Variants in CA9 observed in about 807,000 individuals in gnomAD.
The protein encoded by CA9 is carbonic anhydrase 9.
In CA9, 43 loss-of-function variants were observed where a neutral mutation model predicts 51.8. The ratio of observed to expected loss-of-function variants is 0.83; its 90% CI spans 0.65 to 1.07. The LOEUF (loss-of-function observed/expected upper bound fraction) is 1.07, where lower values mean the gene tolerates loss of function less well. CA9 is among the 50% of genes least tolerant of loss of function. CA9 has a pLI of 0.00. For synonymous variants in CA9, 253 were observed against 244.2 expected (o/e 1.04, Z -0.34); for missense variants, 574 against 581.4 (o/e 0.99, Z 0.13).
At chr9:35,675,409 C>G (rs1345895182) in intron 1 of CA9, 129 bp from the exon 2 acceptor site, 5 of 1,034,940 alleles carry the variant, frequency 4.8e-6, no homozygotes, top group Non-Finnish European at 7.5e-6. Flanking sequence ...GTGCTTTGCA[C>G]CTGGCCCGCT....
chr9:35,676,186 G>A lies in CA9; in HGVS notation c.727G>A (p.Gly243Ser). Reference protein sequence around the residue: ...GRPGSEHTVEGHRFPAEIHVV... With the variant: ...GRPGSEHTVESHRFPAEIHVV... The stretch of plus-strand genomic sequence containing the variant: ...TCCGGGCTCGGAGCACACTGTGGAA[G>A]GCCACCGTTTCCCTGCCGAGGTGAG... The change falls in exon 4 of 11, where the codon GGC (glycine) becomes AGC (serine). Residue 243 changes from glycine to serine, a missense_variant. Physicochemically the swap from Gly to Ser is moderately conservative, Grantham distance 56 (BLOSUM62 0). Transcript: ENST00000378357. The A allele has an allele frequency of 1.2e-6, 2 of 1,612,138 alleles. No individual in the cohort carries two copies. The highest frequency in any genetic ancestry group is 1.7e-6 in the Non-Finnish European group (2 of 1,179,042).
chr9:35,678,254 G>C (rs1365587518), intron 6 of CA9, among the ~76,000 whole-genome samples: 1 of 151,150 alleles, frequency 6.6e-6, no homozygotes, highest in East Asian at 1.9e-4. Flanking sequence ...GCTGAGGCAG[G>C]AGAATGGCAT....
chr9:35,678,731 A>G (rs1271881374), intron 6 of CA9, among the ~76,000 whole-genome samples: 4 of 142,292 alleles, frequency 2.8e-5, no homozygotes, highest in Non-Finnish European at 6.0e-5. Context: ...TTTAGTAGAG[A>G]CAGGGTTTCA....
At position 35,679,905 on chromosome 9, in the gene CA9, C is replaced by G; in HGVS notation, c.1117C>G (p.Leu373Val). 2 of 1,613,664 alleles carry G rather than the reference C, an allele frequency of 1.2e-6. No homozygotes were observed. The highest frequency in any genetic ancestry group is 1.1e-5 in the South Asian group (1 of 91,072). ...GGGACCTGGTGACTCTCGGCTACAG[C>G]TGAACTTCCGAGCGACGCAGCCTTT... Reference protein sequence around the residue: ...LWGPGDSRLQLNFRATQPLNG... With the variant: ...LWGPGDSRLQVNFRATQPLNG... Residue 373 changes from leucine to valine, a missense_variant, in exon 8 of 11, where the codon CTG (leucine) becomes GTG (valine). Physicochemically the swap from Leu to Val is conservative, Grantham distance 32. Transcript: ENST00000378357.
At chr9:35,679,387 G>A (rs1824486023) in intron 7 of CA9, 45 bp downstream of exon 7, 1 of 1,579,016 alleles carries the variant, frequency 6.3e-7, no homozygotes. Context: ...GGGGGAAAGA[G>A]GATGTAAGAT....
intron 1 of CA9, chr9:35,675,323 A>G: frequency 1.6e-6 from 1 of 617,022 alleles, no homozygotes; most frequent in Non-Finnish European, 2.9e-6. Flanking sequence ...TACAGACCCT[A>G]AGACAATGAT....
chr9:35,674,441 C>A, intron 1 of CA9, 79 bp downstream of exon 1: 1 of 1,390,764 alleles, frequency 7.2e-7, no homozygotes, highest in Non-Finnish European at 9.8e-7. Flanking sequence ...AGGCTCTGTT[C>A]ACTCAGGGAA....
intron 10 of CA9, 63 bp from the exon 11 acceptor site, chr9:35,680,902 G>A (rs1824536810): frequency 2.5e-5 from 40 of 1,607,732 alleles, no homozygotes; most frequent in South Asian, 6.6e-5. Flanking sequence ...CATGCAAAGC[G>A]CATGCAAATG....
Position 35,679,926 on chromosome 9 carries a change from C to G in CA9, c.1138C>G (p.Pro380Ala), listed in dbSNP as rs1824499915. 2.5e-6 allele frequency: 4 copies of G among 1,614,012 alleles called. No homozygotes were observed. The highest frequency in any genetic ancestry group is 1.7e-5 in the Admixed American group (1 of 59,982). The part of the protein sequence containing the change: ...RLQLNFRATQ[P>A]LNGRVIEASF... ...ACAGCTGAACTTCCGAGCGACGCAG[C>G]CTTTGAATGGGCGAGTGATTGAGGC... is the stretch of plus-strand genomic sequence containing the variant. Residue 380 changes from proline to alanine, a missense_variant, in exon 8 of 11, where the codon CCT becomes GCT. Pro to Ala is a conservative substitution (Grantham distance 27). Coordinates refer to ENST00000378357, the MANE Select transcript of CA9 (RefSeq NM_001216.3).
chr9:35,674,521 C>T (rs967470644), intron 1 of CA9, 159 bp downstream of exon 1: 8 of 632,458 alleles, frequency 1.3e-5, no homozygotes, highest in Admixed American at 3.1e-5. Flanking sequence ...TCCCCACTCT[C>T]GGAGGTAGAA....
In CA9 at chr9:35,679,362, G is replaced by A; in HGVS notation, c.1065+20G>A. 6 of 1,601,642 alleles carry A rather than the reference G, an allele frequency of 3.7e-6. No individual in the cohort carries two copies. The highest frequency in any genetic ancestry group is 5.1e-6 in the Non-Finnish European group (6 of 1,174,046). On this transcript the variant is annotated intron_variant, in intron 7 of 10. Transcript: ENST00000378357. Reference sequence around the variant, plus strand: ...AAGCAGGTGGGCCTGGGGTGTGTGTGGACACAGTGGGTGCGGGGGAAAGAG... The same window carrying A: ...AAGCAGGTGGGCCTGGGGTGTGTGTAGACACAGTGGGTGCGGGGGAAAGAG...
chr9:35,680,742 CT>C lies in CA9; in HGVS notation c.1238-10del. On this transcript the variant is annotated splice_polypyrimidine_tract_variant and intron_variant, in intron 9 of 10. Transcript: ENST00000378357. ...CCTTCCCAAAGCAGCCCTCTCTGCT[CT>C]CCATCGCAGGTGACATCCTAGCCCT... The C allele has an allele frequency of 1.2e-6, 2 of 1,613,378 alleles. No individual in the cohort carries two copies. Among genetic ancestry groups the C allele is most frequent in the Non-Finnish European group, 1.7e-6 (2 of 1,179,348 alleles).
chr9:35,675,690 C>T (rs527555798), intron 2 of CA9, 71 bp from the exon 3 acceptor site: 3 of 1,478,572 alleles, frequency 2.0e-6, no homozygotes, highest in Non-Finnish European at 2.8e-6. Context: ...CACCCCCTCA[C>T]CTTTTCTACC....
At position 35,679,844 on chromosome 9, in the gene CA9, A is replaced by G; in HGVS notation, c.1066-10A>G. On this transcript the variant is annotated splice_polypyrimidine_tract_variant and intron_variant, in intron 7 of 10. Coordinates refer to ENST00000378357, the MANE Select transcript of CA9 (RefSeq NM_001216.3). ...ATGAACCCACCCACACTGTCCACTG[A>G]CCTCCCTAGCTCCACACCCTCTCTG... is the stretch of plus-strand genomic sequence containing the variant. 1 of 1,589,696 alleles carries G rather than the reference A, an allele frequency of 6.3e-7. No individual in the cohort carries two copies. Among genetic ancestry groups the G allele is most frequent in the Non-Finnish European group, 8.6e-7 (1 of 1,168,922 alleles).
chr9:35,678,720 C>G (rs1004316137), intron 6 of CA9, among the ~76,000 whole-genome samples: 1 of 95,442 alleles, frequency 1.0e-5, no homozygotes, highest in African/African-American at 4.2e-5. Flanking sequence ...TTTTTTACAT[C>G]TTTAGTAGAG....
intron 6 of CA9, among the ~76,000 whole-genome samples, chr9:35,678,510 A>T (rs1364745002): frequency 6.6e-6 from 1 of 152,030 alleles, no homozygotes; most frequent in Non-Finnish European, 1.5e-5. Flanking sequence ...CTTTGTAAAT[A>T]CTTTTGTTGG....
At position 35,674,083 on chromosome 9, in the gene CA9, C is replaced by G. The variant is rs769385538; in HGVS notation, c.124C>G (p.Arg42Gly). The G allele has an allele frequency of 1.2e-5, 19 of 1,614,080 alleles. No homozygotes were observed. Among genetic ancestry groups the G allele is most frequent in the Admixed American group, 6.7e-5 (4 of 60,010 alleles). Residue 42 changes from arginine (R) to glycine (G), a missense_variant, in exon 1 of 11, where the codon CGG becomes GGG. Coordinates refer to ENST00000378357, the MANE Select transcript of CA9 (RefSeq NM_001216.3). ...GCCTGTCCATCCCCAGAGGTTGCCC[C>G]GGATGCAGGAGGATTCCCCCTTGGG... ...LVPVHPQRLP[R>G]MQEDSPLGGG...
intron 10 of CA9, 62 bp from the exon 11 acceptor site, chr9:35,680,903 C>T: frequency 1.2e-6 from 2 of 1,609,538 alleles, no homozygotes. Context: ...ATGCAAAGCG[C>T]ATGCAAATGA....
chr9:35,676,521 G>A (rs1824427059), intron 5 of CA9, 132 bp downstream of exon 5: 1 of 717,004 alleles, frequency 1.4e-6, no homozygotes, highest in Non-Finnish European at 2.4e-6. Context: ...TTCACGCACT[G>A]TTTGTTCATT....
Sources: allele counts gnomAD v4.1 joint callset (sites outside exome capture counted in the v4.1 genomes callset), GRCh38; gene constraint gnomAD v4.1.1; transcripts MANE v1.5; gene names NCBI Gene and HGNC (gene_info 2026-07-23, HGNC 2026-07-21).